Variants in KCTD17 observed in about 807,000 individuals in gnomAD.
The protein encoded by KCTD17 is potassium channel tetramerization domain containing 17.
In KCTD17, 20 loss-of-function variants were observed where a neutral mutation model predicts 41.5. The ratio of observed to expected loss-of-function variants is 0.48; its 90% confidence interval spans 0.34 to 0.70. The LOEUF is 0.70. Among genes scored for constraint, KCTD17 ranks in the 30% least tolerant of loss-of-function variants. KCTD17 has a pLI of 0.01. For synonymous variants in KCTD17, 156 were observed against 173.8 expected, an observed-to-expected ratio of 0.90 and a Z score of 0.80; for missense variants, 317 against 427.2, an observed-to-expected ratio of 0.74 and a Z score of 2.27.
At position 37,062,542 on chromosome 22, in the gene KCTD17, C is replaced by T. The variant is rs1925921655; in HGVS notation, c.893C>T (p.Ala298Val). The change falls in exon 9 of 9, where the codon GCA becomes GTA. Residue 298 changes from alanine to valine, a missense_variant. Coordinates refer to ENST00000403888, the MANE Select transcript of KCTD17 (RefSeq NM_001282684.2). ...TTTTCTAGCTGTTACAAGCCAGAGGCACCCGGATGTGAGGCCCCAGATCAC... is the reference window on the plus strand; with the variant it reads ...TTTTCTAGCTGTTACAAGCCAGAGGTACCCGGATGTGAGGCCCCAGATCAC... ...SCHPCCYKPEAPGCEAPDHLQ... is the reference protein window; with the variant it reads ...SCHPCCYKPEVPGCEAPDHLQ... The T allele has an allele frequency of 1.2e-6, 2 of 1,613,172 alleles. No homozygotes were observed. The highest frequency in any genetic ancestry group is 1.7e-5 in the Admixed American group (1 of 59,964).
intron 4 of KCTD17, 47 bp from the exon 5 acceptor site, chr22:37,059,266 C>G: frequency 1.2e-6 from 2 of 1,606,388 alleles, no homozygotes; most frequent in Non-Finnish European, 8.5e-7. Flanking sequence ...TGCCCCACGG[C>G]CCCCAACACC....
intron 4 of KCTD17, 92 bp from the exon 5 acceptor site, chr22:37,059,221 G>T: frequency 6.4e-7 from 1 of 1,553,338 alleles, no homozygotes; most frequent in Admixed American, 1.7e-5. Context: ...ACCTGAGCTG[G>T]TATCTTGATT....
intron 4 of KCTD17, among the ~76,000 whole-genome samples, chr22:37,058,548 G>A (rs1188542442): frequency 6.6e-6 from 1 of 152,210 alleles, no homozygotes; most frequent in Non-Finnish European, 1.5e-5. Context: ...GAGAGGACTT[G>A]GGATCCCCGA....
intron 1 of KCTD17, chr22:37,052,335 G>A (rs1601479672): frequency 5.6e-6 from 2 of 358,012 alleles, no homozygotes; most frequent in Non-Finnish European, 1.1e-5. Flanking sequence ...GTGGCGGAGG[G>A]GTGCAGGGAG....
intron 8 of KCTD17, chr22:37,062,048 C>T: frequency 3.1e-6 from 3 of 983,008 alleles, no homozygotes; most frequent in Non-Finnish European, 2.4e-6. Context: ...TGCCCACAAG[C>T]CCCCTATCCC....
At position 37,051,760 on chromosome 22, in the gene KCTD17, G is replaced by A; in HGVS notation, c.-1G>A. ...GGAGGATGCAGACGCCGCGGCCGGC[G>A]ATGAGGATGGAGGCCGGGGAGGCAG... On this transcript the variant is annotated 5_prime_UTR_variant, in exon 1 of 9. Coordinates refer to ENST00000403888, the MANE Select transcript of KCTD17 (RefSeq NM_001282684.2). 1.6e-6 allele frequency: 2 copies of A among 1,223,952 alleles called. No individual in the cohort carries two copies. The highest frequency in any genetic ancestry group is 2.0e-6 in the Non-Finnish European group (2 of 983,340). The allele number at this position is 1,223,952 out of a possible 1,614,324, so 75.8% of individuals were successfully genotyped here. A position where few individuals can be genotyped will look rare whatever the true frequency, so the allele number is the denominator to read the frequency against.
chr22:37,058,753 G>A (rs535130674), intron 4 of KCTD17, among the ~76,000 whole-genome samples: 9 of 152,238 alleles, frequency 5.9e-5, no homozygotes, highest in Non-Finnish European at 1.2e-4. Flanking sequence ...GCCTCTGGGT[G>A]TCTTTGGCAA....
intron 4 of KCTD17, among the ~76,000 whole-genome samples, chr22:37,058,472 A>T (rs985412347): frequency 6.6e-6 from 1 of 151,422 alleles, no homozygotes. Flanking sequence ...CCTCCGTAGG[A>T]CTCCCTATGT....
At chr22:37,054,785 C>T (rs1924901873) in intron 2 of KCTD17, among the ~76,000 whole-genome samples, 1 of 152,168 alleles carries the variant, frequency 6.6e-6, no homozygotes, top group Admixed American at 6.5e-5. Flanking sequence ...GCCCAGGGCA[C>T]TGGGGATAAT....
At position 37,062,724 on chromosome 22, in the gene KCTD17, C is replaced by T; in HGVS notation, c.*130C>T. ...TGCCTCCAGGGGCGGGGCGGGGCCC[C>T]CCTGGGACCTCTTAAGGCCCAAGGT... On this transcript the variant is annotated 3_prime_UTR_variant, in exon 9 of 9. Coordinates refer to ENST00000403888, the MANE Select transcript of KCTD17 (RefSeq NM_001282684.2). The T allele has an allele frequency of 2.0e-6, 3 of 1,492,400 alleles. No individual in the cohort carries two copies. Among genetic ancestry groups the T allele is most frequent in the South Asian group, 1.3e-5 (1 of 75,654 alleles). The allele number at this position is 1,492,400 out of a possible 1,614,324, so 92.4% of individuals were successfully genotyped here.
At chr22:37,057,187 T>C (rs1601490541) in intron 3 of KCTD17, among the ~76,000 whole-genome samples, 1 of 152,314 alleles carries the variant, frequency 6.6e-6, no homozygotes, top group Middle Eastern at 3.4e-3. Context: ...TGCCTAGGAT[T>C]CTTGGAAGGA....
chr22:37,061,235 T>C lies in KCTD17; in HGVS notation c.784+60T>C. On this transcript the variant is annotated intron_variant, in intron 7 of 8. Transcript: ENST00000403888. The surrounding 1 kb of genome is among the most constrained non-coding windows in gnomAD (Gnocchi z 6.6). Reference sequence around the variant, plus strand: ...CTGGATCTCATCTGCACCCTGCCTCTTCCCTCTCTGCCCCTGTCCGGGTTT... The same window carrying C: ...CTGGATCTCATCTGCACCCTGCCTCCTCCCTCTCTGCCCCTGTCCGGGTTT... The C allele has an allele frequency of 6.5e-7, 1 of 1,548,126 alleles. No homozygotes were observed. Among genetic ancestry groups the C allele is most frequent in the South Asian group, 1.2e-5 (1 of 84,070 alleles).
chr22:37,062,896 C>T lies in KCTD17; in HGVS notation c.*302C>T, dbSNP rs1203867374. 15 of 454,194 alleles carry T rather than the reference C, an allele frequency of 3.3e-5. No homozygotes were observed. The highest frequency in any genetic ancestry group is 5.1e-5 in the Non-Finnish European group (13 of 257,286). 28.1% of individuals were successfully genotyped at this position (454,194 alleles called of 1,614,324 possible). On this transcript the variant is annotated 3_prime_UTR_variant, in exon 9 of 9. Coordinates refer to ENST00000403888, the MANE Select transcript of KCTD17 (RefSeq NM_001282684.2). Reference sequence around the variant, plus strand: ...CCTTCCTGGCCCGGTCACATTGCCTCCTTGAGCCTTAGTCCAGGGGGTCAC... The same window carrying T: ...CCTTCCTGGCCCGGTCACATTGCCTTCTTGAGCCTTAGTCCAGGGGGTCAC...
In KCTD17 at chr22:37,062,596, A is replaced by G; in HGVS notation, c.*2A>G. 2 of 1,612,012 alleles carry G rather than the reference A, an allele frequency of 1.2e-6. No individual in the cohort carries two copies. Among genetic ancestry groups the G allele is most frequent in the South Asian group, 2.2e-5 (2 of 90,722 alleles). On this transcript the variant is annotated 3_prime_UTR_variant, in exon 9 of 9. Coordinates refer to ENST00000403888, the MANE Select transcript of KCTD17 (RefSeq NM_001282684.2). ...CAGGGACTTGGGGTTCCCATCTGAA[A>G]TCCTTTATTTTTGTACCATGGGGTG...
rs1400226358 is a variant in KCTD17 at position 37,059,127 on chromosome 22, G to T, written c.487-186G>T. ...CCTGGGGCACAGACCACAGGCACAG[G>T]TTGCAAGGGGGAAGACTCCACCTTC... On this transcript the variant is annotated intron_variant, in intron 4 of 8. Transcript: ENST00000403888. 3.9e-5 allele frequency among the ~76,000 whole-genome samples: 6 copies of T among 152,312 alleles called. No homozygotes were observed. The East Asian group carries it at 1.2e-3, about 29-fold the overall frequency.
intron 2 of KCTD17, 21 bp from the exon 3 acceptor site, chr22:37,056,299 G>A (rs1925102826): frequency 1.2e-6 from 2 of 1,606,432 alleles, no homozygotes; most frequent in Non-Finnish European, 1.7e-6. Context: ...AGTGACCTGG[G>A]ATCTGTTCTG....
At position 37,053,317 on chromosome 22, in the gene KCTD17, T is replaced by C; in HGVS notation, c.298+109T>C. 1.2e-6 allele frequency: 1 copy of C among 817,950 alleles called. No individual in the cohort carries two copies. Among genetic ancestry groups the C allele is most frequent in the Non-Finnish European group, 2.0e-6 (1 of 498,748 alleles). The allele number at this position is 817,950 out of a possible 1,614,324, so 50.7% of individuals were successfully genotyped here. ...GGACGGCCATCTGCCTGCTTGGTTG[T>C]TTCCTGCCTCTTCCCAGTCGGACGG... On this transcript the variant is annotated intron_variant, in intron 2 of 8. Transcript: ENST00000403888. The surrounding 1 kb of genome is among the most constrained non-coding windows in gnomAD (Gnocchi z 4.1).
Position 37,062,806 on chromosome 22 carries a change from T to G in KCTD17, c.*212T>G. 9.0e-6 allele frequency: 10 copies of G among 1,108,830 alleles called. No homozygotes were observed. Among genetic ancestry groups the G allele is most frequent in the South Asian group, 1.7e-5 (1 of 57,776 alleles). The allele number at this position is 1,108,830 out of a possible 1,614,324, so 68.7% of individuals were successfully genotyped here. ...CTCATGGCAGATGTGTGGCAATGTC[T>G]GGCTGTGTCTCTCCGGCACCTGCGT... On this transcript the variant is annotated 3_prime_UTR_variant, in exon 9 of 9. Transcript: ENST00000403888.
Position 37,062,916 on chromosome 22 carries a change from G to A in KCTD17, c.*322G>A. ...TGCCTCCTTGAGCCTTAGTCCAGGG[G>A]GTCACTCCTCCCACCCCACCTACCT... On this transcript the variant is annotated 3_prime_UTR_variant, in exon 9 of 9. Coordinates refer to ENST00000403888, the MANE Select transcript of KCTD17 (RefSeq NM_001282684.2). 2.6e-6 allele frequency: 1 copy of A among 387,118 alleles called. No individual in the cohort carries two copies. The highest frequency in any genetic ancestry group is 4.7e-6 in the Non-Finnish European group (1 of 213,304). The allele number at this position is 387,118 out of a possible 1,614,324, so 24.0% of individuals were successfully genotyped here. A position where few individuals can be genotyped will look rare whatever the true frequency, so the allele number is the denominator to read the frequency against.
Sources: allele counts gnomAD v4.1 joint callset (sites outside exome capture counted in the v4.1 genomes callset), GRCh38; gene constraint gnomAD v4.1.1; non-coding constraint Gnocchi (gnomAD v3.1); transcripts MANE v1.5; gene names NCBI Gene and HGNC (gene_info 2026-07-23, HGNC 2026-07-21).